ADAM32: variants seen among roughly 807,000 people sequenced by gnomAD.
ADAM32 encodes the protein ADAM metallopeptidase domain 32.
In ADAM32, 89 loss-of-function variants were observed where a neutral mutation model predicts 114.9. That is an observed-to-expected ratio of 0.77 (90% CI 0.65 to 0.92). The LOEUF (loss-of-function observed/expected upper bound fraction) is 0.92, where lower values mean the gene tolerates loss of function less well. ADAM32 is among the 40% of genes least tolerant of loss of function. The probability of loss-of-function intolerance (pLI) is 0.00; values close to 1 mark genes in which losing one functional copy is unlikely to be tolerated. For missense variants in ADAM32, 870 were observed against 932.8 expected (o/e 0.93, Z 0.88); for synonymous variants, 285 against 307.5 (o/e 0.93, Z 0.77).
chr8:39,221,536 CA>C, intron 12 of ADAM32, 73 bp from the exon 13 acceptor site: 1 of 1,182,606 alleles, frequency 8.5e-7, no homozygotes, highest in Non-Finnish European at 1.2e-6. Flanking sequence ...GTAAGCCCAT[CA>C]AAATATAACT....
intron 11 of ADAM32, among the ~76,000 whole-genome samples, chr8:39,202,727 G>T (rs1057473633): frequency 6.6e-6 from 1 of 152,096 alleles, no homozygotes; most frequent in African/African-American, 2.4e-5. Flanking sequence ...TGATGTTAGG[G>T]TGTCAGTTTT....
Position 39,221,694 on chromosome 8 carries a change from G to T in ADAM32, c.1318G>T (p.Asp440Tyr). The T allele has an allele frequency of 1.2e-6, 2 of 1,609,048 alleles. No homozygotes were observed. Among genetic ancestry groups the T allele is most frequent in the South Asian group, 2.2e-5 (2 of 90,430 alleles). Residue 440 changes from aspartate to tyrosine, a missense_variant, in exon 13 of 25, where the codon GAC becomes TAC. Asp to Tyr is a radical substitution (Grantham distance 160). Coordinates refer to ENST00000379907, the MANE Select transcript of ADAM32 (RefSeq NM_145004.7). ...AKCYKGLCCK[D>Y]CQILQSGVEC... ...ATGTTATAAAGGACTGTGCTGCAAA[G>T]ACTGTCAAGTAAGATTTAAGCTTAT...
chr8:39,156,616 T>C (rs1417831852), intron 6 of ADAM32, among the ~76,000 whole-genome samples: 1 of 152,214 alleles, frequency 6.6e-6, no homozygotes, highest in Admixed American at 6.5e-5. Context: ...CAATTTACCA[T>C]GGACTGGGTA....
intron 24 of ADAM32, among the ~76,000 whole-genome samples, chr8:39,284,378 T>TACACAC (rs367964426): frequency 0.046 from 6,538 of 142,066 alleles, 400 homozygotes; most frequent in African/African-American, 0.15. Context: ...CACACACACG[T>TACACAC]ACACACACAC....
intron 2 of ADAM32, among the ~76,000 whole-genome samples, chr8:39,134,028 C>T (rs780516099): frequency 3.3e-5 from 5 of 152,120 alleles, no homozygotes; most frequent in African/African-American, 4.8e-5. Context: ...TGTGCTACAT[C>T]GCCCCTTCTC....
intron 11 of ADAM32, among the ~76,000 whole-genome samples, chr8:39,187,253 C>T (rs1806300196): frequency 6.6e-6 from 1 of 151,424 alleles, no homozygotes; most frequent in South Asian, 2.1e-4. Flanking sequence ...GATATATTAG[C>T]AAAAGAATAT....
intron 11 of ADAM32, among the ~76,000 whole-genome samples, chr8:39,204,009 T>C (rs1410736269): frequency 6.6e-6 from 1 of 152,242 alleles, no homozygotes; most frequent in East Asian, 1.9e-4. Context: ...CCGCTGTTAG[T>C]CTGATGGGCT....
At chr8:39,175,199 G>C (rs1284165836) in intron 10 of ADAM32, among the ~76,000 whole-genome samples, 1 of 151,976 alleles carries the variant, frequency 6.6e-6, no homozygotes, top group African/African-American at 2.4e-5. Flanking sequence ...TTATTGTCCT[G>C]GCCAGAACTT....
intron 3 of ADAM32, among the ~76,000 whole-genome samples, chr8:39,143,235 A>G (rs1803286271): frequency 6.6e-6 from 1 of 152,130 alleles, no homozygotes; most frequent in Admixed American, 6.5e-5. Flanking sequence ...TTCTCCGTCC[A>G]ATTTTGTTCC....
chr8:39,270,460 A>G (rs1332480461), intron 19 of ADAM32, among the ~76,000 whole-genome samples: 2 of 152,206 alleles, frequency 1.3e-5, no homozygotes, highest in African/African-American at 2.4e-5. Context: ...CTGCATCCGA[A>G]GGCCTGAGGC....
rs189184451 is a variant in ADAM32, at chr8:39,211,246, G to T, written c.1155G>T (p.Met385Ile). Residue 385 changes from methionine to isoleucine, a missense_variant, in exon 12 of 25, where the codon ATG becomes ATT. By Grantham distance (10) the Met-to-Ile change is conservative (BLOSUM62 1). Transcript: ENST00000379907. Reference protein sequence around the residue: ...GVKCLQNKPQMQKKSPKPVCG... With the variant: ...GVKCLQNKPQIQKKSPKPVCG... ...AATGTCTTCAGAATAAGCCACAAAT[G>T]CAAAAAAAATCTCCGAAACCAGTCT... 479 of 1,604,548 alleles carry T rather than the reference G, an allele frequency of 3.0e-4. No homozygotes were observed. In the African/African-American group the frequency reaches 5.8e-3, roughly 19 times the overall value.
chr8:39,125,677 A>G (rs373857346), intron 2 of ADAM32, among the ~76,000 whole-genome samples: 1 of 152,114 alleles, frequency 6.6e-6, no homozygotes, highest in African/African-American at 2.4e-5. Flanking sequence ...TTTTTAGTTT[A>G]ATTAGATCCC....
At chr8:39,217,426 A>T (rs1171537759) in intron 12 of ADAM32, among the ~76,000 whole-genome samples, 1 of 151,980 alleles carries the variant, frequency 6.6e-6, no homozygotes, top group East Asian at 1.9e-4. Flanking sequence ...TAGTTATGTT[A>T]TTATATTTTT....
chr8:39,242,984 A>G (rs976187829), intron 16 of ADAM32, among the ~76,000 whole-genome samples: 2 of 152,184 alleles, frequency 1.3e-5, no homozygotes, highest in African/African-American at 2.4e-5. Context: ...ACAAAAGATC[A>G]TTGAAGGCTA....
At position 39,276,439 on chromosome 8, in the gene ADAM32, T is replaced by G. The variant is rs926978786; in HGVS notation, c.2279+573T>G. The G allele has an allele frequency of 5.9e-5, 9 of 152,196 alleles. No homozygotes were observed. In the East Asian group the frequency reaches 1.7e-3, roughly 29 times the overall value. The allele number at this position is 152,196 out of a possible 1,614,324, so 9.4% of individuals were successfully genotyped here. ...GTATCTAGTTCCTCACACTCAGCAA[T>G]TGTGGGTTTTAGGTCCTTCTGCAGA... is the stretch of plus-strand genomic sequence containing the variant. On this transcript the variant is annotated intron_variant, in intron 22 of 24. Transcript: ENST00000379907.
intron 14 of ADAM32, among the ~76,000 whole-genome samples, chr8:39,227,727 G>A (rs987880337): frequency 1.3e-5 from 2 of 152,106 alleles, no homozygotes; most frequent in Non-Finnish European, 2.9e-5. Flanking sequence ...GCCCCCACCT[G>A]ATGGTCTTCC....
chr8:39,180,344 C>A (rs1805784304), intron 10 of ADAM32, among the ~76,000 whole-genome samples: 1 of 152,224 alleles, frequency 6.6e-6, no homozygotes, highest in African/African-American at 2.4e-5. Flanking sequence ...GCCTTAGCTG[C>A]CTTCCCATGG....
At chr8:39,265,411 T>A (rs1812289630) in intron 19 of ADAM32, among the ~76,000 whole-genome samples, 1 of 152,234 alleles carries the variant, frequency 6.6e-6, no homozygotes, top group Non-Finnish European at 1.5e-5. Context: ...GATGGTCTTT[T>A]GAAGACAGCA....
intron 20 of ADAM32, among the ~76,000 whole-genome samples, chr8:39,273,286 AC>A (rs1393073192): frequency 6.6e-6 from 1 of 152,008 alleles, no homozygotes; most frequent in Non-Finnish European, 1.5e-5. Context: ...CGGGCGGATC[AC>A]CTGAGGTCAG....
Sources: allele counts gnomAD v4.1 joint callset (sites outside exome capture counted in the v4.1 genomes callset), GRCh38; gene constraint gnomAD v4.1.1; transcripts MANE v1.5; gene names NCBI Gene and HGNC (gene_info 2026-07-23, HGNC 2026-07-21).